The following LPP variants were observed in gnomAD, a reference collection of about 807,000 sequenced individuals.
LPP encodes LIM domain containing preferred translocation partner in lipoma.
In LPP, 38 loss-of-function variants were observed where a neutral mutation model predicts 60.4. The observed-to-expected ratio is 0.63, with a 90% confidence interval of 0.49 to 0.83. The LOEUF (loss-of-function observed/expected upper bound fraction) is 0.83, where lower values mean the gene tolerates loss of function less well. Among genes scored for constraint, LPP ranks in the 40% least tolerant of loss-of-function variants. The probability of loss-of-function intolerance (pLI) is 0.00; values close to 1 mark genes in which losing one functional copy is unlikely to be tolerated. For synonymous variants in LPP, 328 were observed against 290.8 expected (o/e 1.13, Z -1.30); for missense variants, 902 against 783.6 (o/e 1.15, Z -1.80).
intron 7 of LPP, among the ~76,000 whole-genome samples, chr3:188,683,711 G>A (rs114572644): frequency 0.018 from 2,729 of 152,288 alleles, 74 homozygotes; most frequent in African/African-American, 0.063. Flanking sequence ...TGTGTCGTCA[G>A]GAAATCAGAG....
At chr3:188,280,957 G>C (rs1471196045) in intron 2 of LPP, among the ~76,000 whole-genome samples, 1 of 148,768 alleles carries the variant, frequency 6.7e-6, no homozygotes, top group African/African-American at 2.5e-5. Flanking sequence ...TTTTTTAAGA[G>C]GGAATCTTGC....
chr3:188,594,279 C>G (rs1382757131), intron 6 of LPP, among the ~76,000 whole-genome samples: 1 of 152,154 alleles, frequency 6.6e-6, no homozygotes, highest in Non-Finnish European at 1.5e-5. Context: ...GGGGAAGGAA[C>G]TGAGTCACAC....
chr3:188,583,016 C>T (rs1836613328), intron 6 of LPP, among the ~76,000 whole-genome samples: 1 of 152,170 alleles, frequency 6.6e-6, no homozygotes, highest in African/African-American at 2.4e-5. Flanking sequence ...TCCACCAAGG[C>T]TTTCCTAAAA....
intron 9 of LPP, among the ~76,000 whole-genome samples, chr3:188,807,645 T>C (rs571259353): frequency 6.6e-6 from 1 of 152,262 alleles, no homozygotes; most frequent in Non-Finnish European, 1.5e-5. Context: ...CTATTCAAAG[T>C]ATTCTTCTTC....
chr3:188,368,022 C>A (rs1771734420), intron 3 of LPP, among the ~76,000 whole-genome samples: 1 of 152,070 alleles, frequency 6.6e-6, no homozygotes, highest in South Asian at 2.1e-4. Context: ...CTCCATCTGC[C>A]CTCCCTTCCC....
At position 188,351,904 on chromosome 3, in the gene LPP, C is replaced by G. The variant is rs140032060; in HGVS notation, c.-10+10185C>G. On this transcript the variant is annotated intron_variant, in intron 3 of 11. Transcript: ENST00000617246. ...GACTGAGCTCTTCTACTCTCCTTTC[C>G]ACACATACATCTGAGTCTTTGGAGA... Among the ~76,000 whole-genome samples the G allele has an allele frequency of 7.2e-5, 11 of 152,266 alleles. No individual in the cohort carries two copies. The East Asian group carries it at 2.1e-3, about 29-fold the overall frequency.
At chr3:188,558,121 C>T (rs1182080056) in intron 6 of LPP, among the ~76,000 whole-genome samples, 1 of 152,074 alleles carries the variant, frequency 6.6e-6, no homozygotes, top group Non-Finnish European at 1.5e-5. Flanking sequence ...GTTCTTTTGT[C>T]CTTCTACAGA....
At chr3:188,753,422 T>C (rs1728730957) in intron 8 of LPP, among the ~76,000 whole-genome samples, 1 of 152,158 alleles carries the variant, frequency 6.6e-6, no homozygotes. Flanking sequence ...TCTCTGTCTA[T>C]AAATGAATCA....
Position 188,623,653 on chromosome 3 carries a change from A to G in LPP, c.1113+13809A>G, listed in dbSNP as rs568332649. 2.0e-5 allele frequency among the ~76,000 whole-genome samples: 3 copies of G among 152,344 alleles called. No individual in the cohort carries two copies. The South Asian group carries it at 6.2e-4, about 32-fold the overall frequency. ...GACTGCATGCCTCAAGTTTATACCC[A>G]TTATACTACACTGCCTGCTTGCGAA... is the stretch of plus-strand genomic sequence containing the variant. On this transcript the variant is annotated intron_variant, in intron 7 of 11. Coordinates refer to ENST00000617246, the MANE Select transcript of LPP (RefSeq NM_001375462.1).
At chr3:188,792,315 A>T (rs1744024383) in intron 9 of LPP, among the ~76,000 whole-genome samples, 1 of 152,194 alleles carries the variant, frequency 6.6e-6, no homozygotes, top group South Asian at 2.1e-4. Context: ...AGCCTGTGAC[A>T]GTCAACATTT....
chr3:188,606,125 C>A (rs954064027), intron 6 of LPP, among the ~76,000 whole-genome samples: 1 of 152,160 alleles, frequency 6.6e-6, no homozygotes, highest in African/African-American at 2.4e-5. Context: ...CGGTCACAGA[C>A]CTTCTCTAGA....
chr3:188,829,667 C>T (rs1577841247), intron 9 of LPP, among the ~76,000 whole-genome samples: 1 of 152,120 alleles, frequency 6.6e-6, no homozygotes, highest in Non-Finnish European at 1.5e-5. Flanking sequence ...AAATTGGCCA[C>T]GTCGACACCT....
intron 7 of LPP, among the ~76,000 whole-genome samples, chr3:188,613,314 A>ATCTATATCTATATCTATACCTATATC (rs1379478231): frequency 5.5e-5 from 8 of 144,384 alleles, no homozygotes; most frequent in African/African-American, 7.7e-5. Flanking sequence ...CTATATCTAT[A>ATCTATATCTATATCTATACCTATATC]TATATCGCTG....
chr3:188,718,473 G>A (rs1414388722), intron 8 of LPP, among the ~76,000 whole-genome samples: 1 of 152,122 alleles, frequency 6.6e-6, no homozygotes, highest in Non-Finnish European at 1.5e-5. Context: ...GGAATTTTGT[G>A]TATGTATTTT....
intron 1 of LPP, among the ~76,000 whole-genome samples, chr3:188,192,451 C>T (rs1297511120): frequency 6.6e-6 from 1 of 152,172 alleles, no homozygotes; most frequent in Non-Finnish European, 1.5e-5. Flanking sequence ...ATCTCTCCCA[C>T]AGGGTAGGGG....
chr3:188,458,028 T>G (rs188524473), intron 4 of LPP, among the ~76,000 whole-genome samples: 1 of 152,196 alleles, frequency 6.6e-6, no homozygotes, highest in Admixed American at 6.5e-5. Flanking sequence ...GCAGCAGATA[T>G]TGTATTTTTA....
rs182029925 is a variant in LPP, at chr3:188,348,004, A to G, written c.-10+6285A>G. On this transcript the variant is annotated intron_variant, in intron 3 of 11. Coordinates refer to ENST00000617246, the MANE Select transcript of LPP (RefSeq NM_001375462.1). ...ATTTCCTACCTTTCCGTTGGCATAT[A>G]CTCACACTGATAGGCTTGACAGGCA... 1.8e-4 allele frequency among the ~76,000 whole-genome samples: 28 copies of G among 152,288 alleles called. No individual in the cohort carries two copies. The East Asian group carries it at 3.9e-3, about 21-fold the overall frequency.
At position 188,209,313 on chromosome 3, in the gene LPP, T is replaced by C. The variant is rs1421713049; in HGVS notation, c.-189-16092T>C. Among the ~76,000 whole-genome samples the C allele has an allele frequency of 2.0e-5, 3 of 152,230 alleles. No homozygotes were observed. The East Asian group carries it at 5.8e-4, about 29-fold the overall frequency. ...GGGATTCAATGAGACTGGGAAATCA[T>C]TTAATAAAAGGTAGAACACACTAAT... On this transcript the variant is annotated intron_variant, in intron 1 of 11. Transcript: ENST00000617246.
rs1430233449 is a variant in LPP, at chr3:188,878,605, T to G, written c.*4126T>G. The G allele has an allele frequency of 4.8e-6, 1 of 209,328 alleles. No homozygotes were observed. The highest frequency in any genetic ancestry group is 2.3e-5 in the African/African-American group (1 of 43,994). 13.0% of individuals were successfully genotyped at this position (209,328 alleles called of 1,614,324 possible). ...CCATTTCTTGGGATCGCTCGTTTGG[T>G]GCACTCTCGTGGGAGACAATCAGAG... On this transcript the variant is annotated 3_prime_UTR_variant, in exon 12 of 12. Coordinates refer to ENST00000617246, the MANE Select transcript of LPP (RefSeq NM_001375462.1).
Sources: gnomAD v4.1 joint callset for allele counts (sites outside exome capture counted in the v4.1 genomes callset) on GRCh38, gnomAD v4.1.1 for gene constraint, MANE v1.5 for transcripts, NCBI Gene and HGNC (gene_info 2026-07-23, HGNC 2026-07-21) for gene names.